The following TACC2 variants were observed in gnomAD, a reference collection of about 807,000 sequenced individuals.
TACC2 encodes transforming acidic coiled-coil-containing protein 2.
A neutral mutation model predicts 227.3 loss-of-function variants in TACC2; 137 were observed. The observed-to-expected ratio is 0.60, with a 90% CI of 0.52 to 0.69. The LOEUF is 0.69. Ranked by LOEUF, TACC2 falls within the 30% of genes least tolerant of loss-of-function variation. TACC2 has a pLI of 0.00. For synonymous variants in TACC2, 1,523 were observed against 1,487.5 expected (o/e 1.02, Z -0.55); for missense variants, 3,470 against 3,694.4 (o/e 0.94, Z 1.57).
intron 13 of TACC2, 121 bp downstream of exon 13, chr10:122,226,602 A>AT (rs1491127642): frequency 1.8e-4 from 84 of 463,804 alleles, no homozygotes; most frequent in South Asian, 3.1e-4. Flanking sequence ...GACATGCCAC[A>AT]TATTTTTTTT....
At position 122,050,455 on chromosome 10, in the gene TACC2, G is replaced by C; in HGVS notation, c.51G>C (p.Gln17His). The change falls in exon 3 of 23, where the codon CAG (glutamine) becomes CAC (histidine). Residue 17 changes from glutamine (Q) to histidine (H), a missense_variant. By Grantham distance (24) the Gln-to-His change is conservative. Transcript: ENST00000369005. The surrounding 1 kb of genome is among the most constrained non-coding windows in gnomAD (Gnocchi z 4.6). ...TSDNQRTLSA[Q>H]TPRSAQPPGN... is the part of the protein sequence containing the mutation. ...TGGCTCAGAGGACTTTATCAGCTCA[G>C]ACTCCAAGGTCCGCGCAGCCACCCG... The C allele has an allele frequency of 6.2e-7, 1 of 1,613,938 alleles. No homozygotes were observed. Among genetic ancestry groups the C allele is most frequent in the Non-Finnish European group, 8.5e-7 (1 of 1,179,960 alleles).
rs765099062 is a variant in TACC2 at position 122,229,349 on chromosome 10, G to C, written c.7900G>C (p.Ala2634Pro). 6.2e-6 allele frequency: 10 copies of C among 1,613,836 alleles called. No homozygotes were observed. In the Admixed American group the frequency reaches 1.7e-4, roughly 27 times the overall value. ...GTPSEAIEIT[A>P]PEGSFASADA... Reference sequence around the variant, plus strand: ...CCTCCTCTCTGCCGGCTTTCAGACAGCTCCCGAGGGCTCCTTTGCCTCTGC... The same window carrying C: ...CCTCCTCTCTGCCGGCTTTCAGACACCTCCCGAGGGCTCCTTTGCCTCTGC... The change falls in exon 15 of 23, where the codon GCT becomes CCT. Residue 2634 changes from alanine to proline, a missense_variant. Ala to Pro is a conservative substitution (Grantham distance 27). Transcript: ENST00000369005.
intron 11 of TACC2, among the ~76,000 whole-genome samples, chr10:122,220,593 G>A (rs6585804): frequency 0.51 from 77,864 of 152,096 alleles, 20,878 homozygotes; most frequent in East Asian, 0.87. Flanking sequence ...GTGATTGATC[G>A]TCAGAAAGAA....
chr10:122,152,999 C>CTTTCTTCTTTTTT lies in TACC2; in HGVS notation c.5834+9296_5834+9297insCTTCTTTTTTTTT, dbSNP rs71026005. ...GCTTTTGATATATATTTCTTTCTTTCTTTTTTTTTTGAGACGGAGTCTCAC... is the reference window on the plus strand; with the variant it reads ...GCTTTTGATATATATTTCTTTCTTTCTTTCTTCTTTTTTTTTTTTTTTTGAGACGGAGTCTCAC... On this transcript the variant is annotated intron_variant, in intron 7 of 22. Coordinates refer to ENST00000369005, the MANE Select transcript of TACC2 (RefSeq NM_206862.4). Among the ~76,000 whole-genome samples the CTTTCTTCTTTTTT allele has an allele frequency of 1.5e-5, 2 of 135,024 alleles. 1 individual carries two copies. The highest frequency in any genetic ancestry group is 3.2e-5 in the Non-Finnish European group (2 of 63,010). 88.6% of individuals were successfully genotyped at this position (135,024 alleles called of 152,430 possible). A position where few individuals can be genotyped will look rare whatever the true frequency, so the allele number is the denominator to read the frequency against.
chr10:122,171,165 G>T (rs552692866), intron 7 of TACC2, among the ~76,000 whole-genome samples: 1 of 152,172 alleles, frequency 6.6e-6, no homozygotes, highest in Non-Finnish European at 1.5e-5. Context: ...CGGTGGGGGT[G>T]GTGGGCCTCC....
At position 122,141,336 on chromosome 10, in the gene TACC2, A is replaced by G. The variant is rs933723594; in HGVS notation, c.5700-2236A>G. On this transcript the variant is annotated intron_variant, in intron 6 of 22. Transcript: ENST00000369005. The surrounding 1 kb of genome is among the most constrained non-coding windows in gnomAD (Gnocchi z 4.3). ...TGGGTATGAGCCAACAGGCGGTGGA[A>G]GGAGGGGGGCGCCTTTCTTAAATGA... 6.6e-6 allele frequency among the ~76,000 whole-genome samples: 1 copy of G among 152,054 alleles called. No homozygotes were observed. The highest frequency in any genetic ancestry group is 2.4e-5 in the African/African-American group (1 of 41,390).
chr10:122,246,256 C>T (rs76915802), intron 19 of TACC2, among the ~76,000 whole-genome samples: 13 of 152,240 alleles, frequency 8.5e-5, no homozygotes, highest in Non-Finnish European at 5.9e-5. Context: ...TCCACACTCA[C>T]GTGGGAGAGT....
chr10:122,023,828 A>C (rs995576465), intron 2 of TACC2: 1 of 150,310 alleles, frequency 6.7e-6, no homozygotes, highest in East Asian at 2.0e-4. Context: ...AGGGGGGGGA[A>C]AAAAAAAGAC....
At chr10:122,199,921 C>T (rs939099155) in intron 8 of TACC2, among the ~76,000 whole-genome samples, 1 of 152,224 alleles carries the variant, frequency 6.6e-6, no homozygotes, top group Non-Finnish European at 1.5e-5. Flanking sequence ...CACTAATCCA[C>T]TCATGAGGAC....
At chr10:122,097,875 T>C (rs562555129) in intron 5 of TACC2, among the ~76,000 whole-genome samples, 15 of 152,020 alleles carry the variant, frequency 9.9e-5, no homozygotes, top group African/African-American at 3.6e-4. Flanking sequence ...GGCAACTCCA[T>C]CCCCACAGCC....
chr10:122,050,356 G>C lies in TACC2; in HGVS notation c.34-82G>C. ...ACAACCTTACCTTGAATGCTGTGGT[G>C]GGTGCCCTGTTGATAAATGTTTTTG... On this transcript the variant is annotated intron_variant, in intron 2 of 22. Coordinates refer to ENST00000369005, the MANE Select transcript of TACC2 (RefSeq NM_206862.4). This position sits in a 1 kb window ranked among gnomAD's most constrained non-coding sequence, Gnocchi z 4.6. 9.6e-7 allele frequency: 1 copy of C among 1,042,138 alleles called. No homozygotes were observed. The highest frequency in any genetic ancestry group is 1.5e-6 in the Non-Finnish European group (1 of 687,526). The allele number at this position is 1,042,138 out of a possible 1,614,324, so 64.6% of individuals were successfully genotyped here. A position where few individuals can be genotyped will look rare whatever the true frequency, so the allele number is the denominator to read the frequency against.
intron 8 of TACC2, among the ~76,000 whole-genome samples, chr10:122,202,950 A>T (rs1371900185): frequency 1.3e-5 from 2 of 151,424 alleles, no homozygotes; most frequent in African/African-American, 2.4e-5. Context: ...GATACAGCAC[A>T]TGTTTCAGAG....
chr10:122,089,016 G>C (rs1425785852), intron 5 of TACC2, among the ~76,000 whole-genome samples: 5 of 152,170 alleles, frequency 3.3e-5, no homozygotes, highest in African/African-American at 1.2e-4. Flanking sequence ...TTGGAAGTCT[G>C]AGTTGGGAGG....
At chr10:122,047,464 C>T (rs974499142) in intron 2 of TACC2, among the ~76,000 whole-genome samples, 9 of 152,096 alleles carry the variant, frequency 5.9e-5, no homozygotes, top group Non-Finnish European at 7.4e-5. Context: ...CAGGGGCACT[C>T]GTTAAGGGAA....
chr10:122,174,492 TCTCTGTTG>T (rs1038091527), intron 7 of TACC2, among the ~76,000 whole-genome samples: 3 of 152,132 alleles, frequency 2.0e-5, no homozygotes, highest in African/African-American at 7.2e-5. Flanking sequence ...CGTGTCTCCC[TCTCTGTTG>T]CTAAAGAATT....
chr10:122,252,992 TGAGGAGA>T (rs2096279199), intron 22 of TACC2, among the ~76,000 whole-genome samples: 1 of 152,130 alleles, frequency 6.6e-6, no homozygotes, highest in Admixed American at 6.5e-5. Context: ...TCCCCTCCAC[TGAGGAGA>T]GCCACTTCCT....
intron 5 of TACC2, among the ~76,000 whole-genome samples, chr10:122,089,677 G>A (rs1009335334): frequency 6.6e-6 from 1 of 152,228 alleles, no homozygotes; most frequent in African/African-American, 2.4e-5. Flanking sequence ...GTGTGTATGA[G>A]TAGGGTGGAA....
In TACC2 at chr10:122,180,017, C is replaced by A. The variant is rs1358605823; in HGVS notation, c.5835-15023C>A. Among the ~76,000 whole-genome samples, 1 of 151,920 alleles carries A rather than the reference C, an allele frequency of 6.6e-6. No individual in the cohort carries two copies. The highest frequency in any genetic ancestry group is 2.1e-4 in the South Asian group (1 of 4,804). ...AGAGGATCGCTTGAGCCCAAGAGGT[C>A]GAGGCTGCAGTGAGCCATGATTGCG... On this transcript the variant is annotated intron_variant, in intron 7 of 22. Transcript: ENST00000369005. The surrounding 1 kb of genome is among the most constrained non-coding windows in gnomAD (Gnocchi z 4.5).
chr10:122,140,386 C>T (rs1565414740), intron 6 of TACC2, among the ~76,000 whole-genome samples: 2 of 152,216 alleles, frequency 1.3e-5, no homozygotes, highest in Admixed American at 6.5e-5. Context: ...ACATATCCTT[C>T]CTCTTCCAAA....
Sources: allele counts gnomAD v4.1 joint callset (sites outside exome capture counted in the v4.1 genomes callset), GRCh38; gene constraint gnomAD v4.1.1; non-coding constraint Gnocchi (gnomAD v3.1); transcripts MANE v1.5; gene names NCBI Gene and HGNC (gene_info 2026-07-23, HGNC 2026-07-21).